FRMD4A: variants seen among roughly 807,000 people sequenced by gnomAD.
The protein encoded by FRMD4A is FERM domain-containing protein 4A.
A neutral mutation model predicts 129.1 loss-of-function variants in FRMD4A; 29 were observed. The observed-to-expected ratio is 0.22, with a 90% CI of 0.17 to 0.31. The LOEUF is 0.31. Ranked by LOEUF, FRMD4A falls within the 10% of genes least tolerant of loss-of-function variation. The pLI is 1.00. For synonymous variants in FRMD4A, 634 were observed against 571.6 expected (o/e 1.11, Z -1.56); for missense variants, 1,272 against 1,375.8 (o/e 0.92, Z 1.19).
chr10:13,667,265 G>C (rs977056640), intron 17 of FRMD4A: 2 of 152,486 alleles, frequency 1.3e-5, no homozygotes, highest in Admixed American at 6.5e-5. Flanking sequence ...GCCTATTCAT[G>C]TATACTCTGC....
intron 2 of FRMD4A, among the ~76,000 whole-genome samples, chr10:14,102,300 G>A (rs1312669460): frequency 6.6e-6 from 1 of 152,182 alleles, no homozygotes. Flanking sequence ...GCCAAGGCAG[G>A]CAGATTACTT....
chr10:13,963,139 A>C (rs2095457279), intron 2 of FRMD4A, among the ~76,000 whole-genome samples: 1 of 152,222 alleles, frequency 6.6e-6, no homozygotes. Flanking sequence ...AGAAATGCAA[A>C]CACATCTTCC....
chr10:13,927,902 T>A (rs2095151153), intron 2 of FRMD4A, among the ~76,000 whole-genome samples: 1 of 152,182 alleles, frequency 6.6e-6, no homozygotes, highest in African/African-American at 2.4e-5. Context: ...ATTTTTAGAG[T>A]CCATTTTCAG....
rs116003497 is a variant in FRMD4A, at chr10:13,703,202, G to T, written c.837-1724C>A. ...CTCAGGTACCGGGAGGGCAGAAGAG[G>T]TAAGTGGCTGGTCAGGTCCGGGTAG... On this transcript the variant is annotated intron_variant, in intron 13 of 24. Coordinates refer to ENST00000357447, the MANE Select transcript of FRMD4A (RefSeq NM_018027.5). 2.0e-3 allele frequency among the ~76,000 whole-genome samples: 297 copies of T among 152,268 alleles called. 2 individuals carry two copies. Among genetic ancestry groups the T allele is most frequent in the African/African-American group, 6.7e-3 (277 of 41,568 alleles).
chr10:14,186,059 G>C (rs1244454613), intron 2 of FRMD4A, among the ~76,000 whole-genome samples: 1 of 151,798 alleles, frequency 6.6e-6, no homozygotes, highest in East Asian at 1.9e-4. Context: ...CCCCGTAAAG[G>C]AGACACTGGA....
At chr10:14,129,197 C>A (rs922033100) in intron 2 of FRMD4A, among the ~76,000 whole-genome samples, 9 of 151,742 alleles carry the variant, frequency 5.9e-5, no homozygotes, top group African/African-American at 2.2e-4. Flanking sequence ...TTCCCCTCCA[C>A]TGTGAACGAT....
rs550125822 is a variant in FRMD4A, at chr10:14,098,021, AT to A, written c.45+232036del. Among the ~76,000 whole-genome samples the A allele has an allele frequency of 2.2e-3, 187 of 86,680 alleles. 1 individual carries two copies. The highest frequency in any genetic ancestry group is 6.6e-3 in the African/African-American group (180 of 27,152). The allele number at this position is 86,680 out of a possible 152,430, so 56.9% of individuals were successfully genotyped here. On this transcript the variant is annotated intron_variant, in intron 2 of 24. Transcript: ENST00000357447. ...AGATTATATATAAATTATATATTAT[AT>A]AAATTATAGATTATATATAAATTAT...
At position 13,761,652 on chromosome 10, in the gene FRMD4A, A is replaced by G. The variant is rs1479043827; in HGVS notation, c.459T>C (p.Phe153=). The change falls in exon 8 of 25, where the codon TTT becomes TTC. Residue 153 remains phenylalanine (F), a synonymous_variant. Transcript: ENST00000357447. ...CAACAAAATTGTAAACTTACCTAGAAAAATCTCCCTTTGCCTCCTGTAGAA... is the reference window on the plus strand; with the variant it reads ...CAACAAAATTGTAAACTTACCTAGAGAAATCTCCCTTTGCCTCCTGTAGAA... The part of the protein sequence containing the change: ...SYILQEAKGD[F]SSNEVVRSDL... 1 of 1,605,634 alleles carries G rather than the reference A, an allele frequency of 6.2e-7. No homozygotes were observed. The highest frequency in any genetic ancestry group is 1.1e-5 in the South Asian group (1 of 89,868).
rs959630587 is a variant in FRMD4A at position 13,942,794 on chromosome 10, G to T, written c.46-83882C>A. Among the ~76,000 whole-genome samples the T allele has an allele frequency of 3.3e-5, 5 of 152,084 alleles. No individual in the cohort carries two copies. The East Asian group carries it at 5.8e-4, about 18-fold the overall frequency. On this transcript the variant is annotated intron_variant, in intron 2 of 24. Transcript: ENST00000357447. ...CAAAAAATACAAAAATTAGCTGGGC[G>T]TGGTGGCGCGCGTCTGTAGTCCCAG...
chr10:13,682,501 T>C (rs7087696), intron 15 of FRMD4A, among the ~76,000 whole-genome samples: 1,656 of 138,022 alleles, frequency 0.012, 30 homozygotes, highest in African/African-American at 0.044. Context: ...TTCTTTCTTT[T>C]TTTTTTTTTT....
At chr10:13,865,759 A>G (rs2094359117) in intron 2 of FRMD4A, among the ~76,000 whole-genome samples, 1 of 152,140 alleles carries the variant, frequency 6.6e-6, no homozygotes, top group Non-Finnish European at 1.5e-5. Context: ...TAGAAATGTA[A>G]TGCAGTTGTG....
At chr10:13,751,479 CT>C (rs1245038363) in intron 8 of FRMD4A, among the ~76,000 whole-genome samples, 1 of 152,192 alleles carries the variant, frequency 6.6e-6, no homozygotes, top group Non-Finnish European at 1.5e-5. Flanking sequence ...GTGTCTAGCC[CT>C]GTCAATCTGG....
chr10:13,795,732 C>T (rs567689015), intron 5 of FRMD4A, among the ~76,000 whole-genome samples: 1 of 152,252 alleles, frequency 6.6e-6, no homozygotes, highest in African/African-American at 2.4e-5. Flanking sequence ...CTGGGTGTTT[C>T]GGAGCTGCTG....
intron 2 of FRMD4A, among the ~76,000 whole-genome samples, chr10:14,100,767 A>C (rs2131774534): frequency 6.6e-6 from 1 of 152,212 alleles, no homozygotes; most frequent in African/African-American, 2.4e-5. Flanking sequence ...CCCCCACCCT[A>C]CTTCCTATAC....
intron 22 of FRMD4A, among the ~76,000 whole-genome samples, chr10:13,656,136 G>A (rs2082121514): frequency 1.3e-5 from 2 of 152,102 alleles, no homozygotes; most frequent in Non-Finnish European, 2.9e-5. Context: ...TCTGTCAAAC[G>A]CACAGCTCTG....
intron 2 of FRMD4A, among the ~76,000 whole-genome samples, chr10:14,192,016 T>A (rs1842334316): frequency 6.6e-6 from 1 of 152,192 alleles, no homozygotes; most frequent in Non-Finnish European, 1.5e-5. Context: ...TAACCTCCAC[T>A]GGTCTTAACT....
intron 2 of FRMD4A, among the ~76,000 whole-genome samples, chr10:14,103,690 C>T (rs992200364): frequency 7.2e-5 from 11 of 152,058 alleles, no homozygotes; most frequent in African/African-American, 2.7e-4. Context: ...CTCATTAGTA[C>T]ATAATTGCTA....
At chr10:13,980,499 G>A (rs1227604933) in intron 2 of FRMD4A, among the ~76,000 whole-genome samples, 1 of 152,196 alleles carries the variant, frequency 6.6e-6, no homozygotes, top group African/African-American at 2.4e-5. Flanking sequence ...GGACACTGAG[G>A]CTGGAAGATC....
intron 2 of FRMD4A, among the ~76,000 whole-genome samples, chr10:14,095,672 C>T (rs1010931513): frequency 2.0e-5 from 3 of 152,310 alleles, no homozygotes; most frequent in East Asian, 1.9e-4. Flanking sequence ...CACGCTGGAT[C>T]GAATCCACGT....
Sources: gnomAD v4.1 joint callset for allele counts (sites outside exome capture counted in the v4.1 genomes callset) on GRCh38, gnomAD v4.1.1 for gene constraint, MANE v1.5 for transcripts, NCBI Gene and HGNC (gene_info 2026-07-23, HGNC 2026-07-21) for gene names.